PIP4P2: variants seen among roughly 807,000 people sequenced by gnomAD.
PIP4P2 encodes the protein phosphatidylinositol-4,5-bisphosphate 4-phosphatase 2.
PIP4P2 carries 19 observed loss-of-function variants against 33.3 expected under a neutral mutation model. That is an observed-to-expected ratio of 0.57 (90% CI 0.40 to 0.84). PIP4P2 has a LOEUF of 0.84. Among genes scored for constraint, PIP4P2 ranks in the 40% least tolerant of loss-of-function variants. The pLI is 0.00. For synonymous variants in PIP4P2, 110 were observed against 111.9 expected (o/e 0.98, Z 0.11); for missense variants, 270 against 324.7 (o/e 0.83, Z 1.29).
chr8:91,012,449 G>C (rs1586178314), intron 4 of PIP4P2, among the ~76,000 whole-genome samples: 1 of 152,044 alleles, frequency 6.6e-6, no homozygotes, highest in East Asian at 1.9e-4. Flanking sequence ...TAATAATAAG[G>C]ATAAGGCTGT....
intron 4 of PIP4P2, among the ~76,000 whole-genome samples, chr8:91,011,999 T>C (rs966435278): frequency 6.6e-6 from 1 of 151,968 alleles, no homozygotes; most frequent in Admixed American, 6.6e-5. Flanking sequence ...TTCTTTTATC[T>C]TAATCCTTGA....
At chr8:91,015,154 C>T (rs1164378689) in intron 4 of PIP4P2, among the ~76,000 whole-genome samples, 3 of 152,128 alleles carry the variant, frequency 2.0e-5, no homozygotes, top group Non-Finnish European at 4.4e-5. Flanking sequence ...AAGAGCTTCA[C>T]CCCTATTACC....
chr8:91,029,381 C>T (rs1230877182), intron 1 of PIP4P2, among the ~76,000 whole-genome samples: 1 of 152,074 alleles, frequency 6.6e-6, no homozygotes, highest in Non-Finnish European at 1.5e-5. Flanking sequence ...GGGGTTACAG[C>T]CATGGAGTTC....
At chr8:91,023,911 GACTTTCAAATAGCAAAA>G (rs1812045541) in intron 1 of PIP4P2, among the ~76,000 whole-genome samples, 1 of 151,758 alleles carries the variant, frequency 6.6e-6, no homozygotes, top group East Asian at 1.9e-4. Context: ...TTTTTGCTAC[GACTTTCAAATAGCAAAA>G]ACCGCAATTA....
At chr8:91,022,311 G>A (rs1812021809) in intron 1 of PIP4P2, among the ~76,000 whole-genome samples, 1 of 152,130 alleles carries the variant, frequency 6.6e-6, no homozygotes, top group Non-Finnish European at 1.5e-5. Context: ...TCCTAAGGTT[G>A]ACTCAGTGAG....
chr8:91,037,659 A>G (rs1004749920), intron 1 of PIP4P2, among the ~76,000 whole-genome samples: 2 of 152,214 alleles, frequency 1.3e-5, no homozygotes, highest in African/African-American at 4.8e-5. Context: ...TATTTGCTGA[A>G]TAATAAACTA....
chr8:91,035,669 C>T (rs928240859), intron 1 of PIP4P2, among the ~76,000 whole-genome samples: 1 of 152,090 alleles, frequency 6.6e-6, no homozygotes, highest in Admixed American at 6.6e-5. Flanking sequence ...TCATATGGAG[C>T]GCCTCAAAGT....
At chr8:91,006,604 G>A (rs1214810786) in intron 5 of PIP4P2, among the ~76,000 whole-genome samples, 3 of 152,178 alleles carry the variant, frequency 2.0e-5, no homozygotes, top group African/African-American at 7.2e-5. Context: ...TTGCTGTAAA[G>A]ATTACAGCTA....
intron 1 of PIP4P2, among the ~76,000 whole-genome samples, chr8:91,032,254 G>T (rs915548475): frequency 6.6e-6 from 1 of 152,104 alleles, no homozygotes; most frequent in Non-Finnish European, 1.5e-5. Context: ...GGTTGTTGTG[G>T]TTTTTACAGA....
chr8:91,030,631 T>A (rs1275367907), intron 1 of PIP4P2, among the ~76,000 whole-genome samples: 2 of 152,242 alleles, frequency 1.3e-5, no homozygotes, highest in Non-Finnish European at 2.9e-5. Flanking sequence ...CCAACCCTTA[T>A]GCCCATTCGC....
At chr8:91,031,574 A>G (rs909354470) in intron 1 of PIP4P2, among the ~76,000 whole-genome samples, 1 of 152,224 alleles carries the variant, frequency 6.6e-6, no homozygotes, top group Non-Finnish European at 1.5e-5. Flanking sequence ...ATATGAGAGG[A>G]AGAAAAATTT....
At chr8:91,000,349 G>T (rs1323115595) in intron 5 of PIP4P2, among the ~76,000 whole-genome samples, 1 of 149,930 alleles carries the variant, frequency 6.7e-6, no homozygotes, top group Admixed American at 6.7e-5. Flanking sequence ...CTGCACTGCA[G>T]AAATTTCTTC....
At chr8:91,007,529 T>TTTTCAAAAATAAAAATAATAAAC (rs1411028406) in intron 5 of PIP4P2, among the ~76,000 whole-genome samples, 3 of 152,342 alleles carry the variant, frequency 2.0e-5, no homozygotes, top group East Asian at 3.9e-4. Flanking sequence ...ATAATAAAAA[T>TTTTCAAAAATAAAAATAATAAAC]TGGATTGTCT....
intron 4 of PIP4P2, among the ~76,000 whole-genome samples, chr8:91,010,904 G>A (rs1434067351): frequency 6.7e-6 from 1 of 149,010 alleles, no homozygotes; most frequent in East Asian, 2.0e-4. Flanking sequence ...AACATGTAAT[G>A]GATAAATTGA....
chr8:91,016,181 C>T lies in PIP4P2; in HGVS notation c.486+2209G>A, dbSNP rs992244283. Among the ~76,000 whole-genome samples the T allele has an allele frequency of 3.3e-5, 5 of 152,006 alleles. No homozygotes were observed. The East Asian group carries it at 9.6e-4, about 29-fold the overall frequency. ...TGAAAAAGGAATGCTATTAAAAAATCGGAGACAAACAAAGGCTCCTAGAAA... is the reference window on the plus strand; with the variant it reads ...TGAAAAAGGAATGCTATTAAAAAATTGGAGACAAACAAAGGCTCCTAGAAA... On this transcript the variant is annotated intron_variant, in intron 4 of 6. Coordinates refer to ENST00000285419, the MANE Select transcript of PIP4P2 (RefSeq NM_018710.3).
chr8:91,012,400 A>G (rs989023809), intron 4 of PIP4P2, among the ~76,000 whole-genome samples: 6 of 152,076 alleles, frequency 3.9e-5, no homozygotes, highest in South Asian at 2.1e-4. Context: ...AAGGGCAAAT[A>G]ACATATTATG....
At chr8:91,020,116 G>A (rs201161822) in intron 3 of PIP4P2, 41 bp downstream of exon 3, 2 of 1,592,660 alleles carry the variant, frequency 1.3e-6, no homozygotes, top group East Asian at 2.2e-5. Flanking sequence ...CTTGTTGAAT[G>A]AACAAATGAA....
At chr8:91,031,634 C>T (rs1405777176) in intron 1 of PIP4P2, among the ~76,000 whole-genome samples, 1 of 152,182 alleles carries the variant, frequency 6.6e-6, no homozygotes, top group Non-Finnish European at 1.5e-5. Context: ...CCTAATCAAT[C>T]ATGCAGCACA....
At chr8:91,009,735 C>A (rs955226088) in intron 4 of PIP4P2, among the ~76,000 whole-genome samples, 34 of 151,742 alleles carry the variant, frequency 2.2e-4, no homozygotes, top group African/African-American at 7.7e-4. Flanking sequence ...ATAGAAGATA[C>A]CTTTTAGAAA....
Sources: gnomAD v4.1 joint callset for allele counts (sites outside exome capture counted in the v4.1 genomes callset) on GRCh38, gnomAD v4.1.1 for gene constraint, MANE v1.5 for transcripts, NCBI Gene and HGNC (gene_info 2026-07-23, HGNC 2026-07-21) for gene names.